Variants in ZNF611 observed in about 807,000 individuals in gnomAD.
The protein encoded by ZNF611 is zinc finger protein 611.
In ZNF611, 6 loss-of-function variants were observed where a neutral mutation model predicts 8.9. The observed-to-expected ratio is 0.68, with a 90% confidence interval of 0.37 to 1.34. The LOEUF (loss-of-function observed/expected upper bound fraction) is 1.34. ZNF611 is among the 40% of genes most tolerant of loss of function. The pLI is 0.02. For synonymous variants in ZNF611, 262 were observed against 279.7 expected, an observed-to-expected ratio of 0.94 and a Z score of 0.63; for missense variants, 874 against 841.3, an observed-to-expected ratio of 1.04 and a Z score of -0.48.
At chr19:52,717,099 C>T (rs1429658978) in intron 3 of ZNF611, among the ~76,000 whole-genome samples, 11 of 152,178 alleles carry the variant, frequency 7.2e-5, no homozygotes, top group Non-Finnish European at 1.5e-4. Context: ...AACTAAAAGC[C>T]CCTTCCCTGC....
Position 52,706,482 on chromosome 19 carries a change from T to G in ZNF611, c.573A>C (p.Ser191=). Residue 191 remains serine, a synonymous_variant, in exon 6 of 6, where the codon TCA becomes TCC. Transcript: ENST00000652185. ...GCCTACAGGAAATTCTTTGGAATGTTGAAACTGAGGGAGCATCATTAGTAG... is the reference window on the plus strand; with the variant it reads ...GCCTACAGGAAATTCTTTGGAATGTGGAAACTGAGGGAGCATCATTAGTAG... ...EKSTNDAPSV[S]TFQRISCRPQ... 6.2e-7 allele frequency: 1 copy of G among 1,614,180 alleles called. No individual in the cohort carries two copies.
In ZNF611 at chr19:52,704,926, G is replaced by C; in HGVS notation, c.*11C>G. 2 of 1,613,130 alleles carry C rather than the reference G, an allele frequency of 1.2e-6. No homozygotes were observed. Among genetic ancestry groups the C allele is most frequent in the South Asian group, 2.2e-5 (2 of 90,980 alleles). ...TTTCCAAATGGAAACTTTGTCACATGCTTCACATTTCTAAGGTTTCTCTCC... is the reference window on the plus strand; with the variant it reads ...TTTCCAAATGGAAACTTTGTCACATCCTTCACATTTCTAAGGTTTCTCTCC... On this transcript the variant is annotated 3_prime_UTR_variant, in exon 6 of 6. Transcript: ENST00000652185.
intron 3 of ZNF611, among the ~76,000 whole-genome samples, chr19:52,725,246 G>A (rs2062384073): frequency 6.6e-6 from 1 of 152,154 alleles, no homozygotes; most frequent in Non-Finnish European, 1.5e-5. Flanking sequence ...TTGGGGAGCA[G>A]CAGGGCCCGG....
At chr19:52,715,499 A>T (rs1343914147) in intron 4 of ZNF611, among the ~76,000 whole-genome samples, 1 of 152,226 alleles carries the variant, frequency 6.6e-6, no homozygotes. Context: ...TTTCATATGT[A>T]GTTTCTCTGA....
rs1470140364 is a variant in ZNF611 at position 52,702,941 on chromosome 19, C to G, written c.*1996G>C. On this transcript the variant is annotated 3_prime_UTR_variant, in exon 6 of 6. Transcript: ENST00000652185. Reference sequence around the variant, plus strand: ...TAACAAAGACTAGAAAGCATGCAGACATTGATATGAACTGGATGCAACTAA... The same window carrying G: ...TAACAAAGACTAGAAAGCATGCAGAGATTGATATGAACTGGATGCAACTAA... 1 of 152,136 alleles carries G rather than the reference C, an allele frequency of 6.6e-6. No individual in the cohort carries two copies. The highest frequency in any genetic ancestry group is 1.5e-5 in the Non-Finnish European group (1 of 68,026). 9.4% of individuals were successfully genotyped at this position (152,136 alleles called of 1,614,324 possible). A position where few individuals can be genotyped will look rare whatever the true frequency, so the allele number is the denominator to read the frequency against.
chr19:52,731,575 G>T (rs1280900601), intron 1 of ZNF611, among the ~76,000 whole-genome samples: 1 of 151,840 alleles, frequency 6.6e-6, no homozygotes, highest in Admixed American at 6.6e-5. Context: ...CACTCTGTTG[G>T]CCAGGCTGGT....
intron 4 of ZNF611, among the ~76,000 whole-genome samples, chr19:52,715,586 T>G (rs968036106): frequency 1.3e-5 from 2 of 152,166 alleles, no homozygotes; most frequent in Non-Finnish European, 2.9e-5. Context: ...CACCCCATGT[T>G]TATCCATGTC....
chr19:52,723,090 A>C (rs535030205), intron 3 of ZNF611, among the ~76,000 whole-genome samples: 1 of 145,886 alleles, frequency 6.9e-6, no homozygotes, highest in Non-Finnish European at 1.5e-5. Context: ...TTCTGTGCAT[A>C]TCTCTCATTC....
chr19:52,711,915 T>C (rs1295618921), intron 5 of ZNF611, among the ~76,000 whole-genome samples: 1 of 152,018 alleles, frequency 6.6e-6, no homozygotes, highest in Non-Finnish European at 1.5e-5. Context: ...GTAATGGGCA[T>C]GTAGGAGTGA....
intron 1 of ZNF611, among the ~76,000 whole-genome samples, chr19:52,733,925 C>T (rs1366950000): frequency 6.7e-6 from 1 of 149,294 alleles, no homozygotes; most frequent in Admixed American, 6.7e-5. Context: ...TTCCATCTTC[C>T]CCGATATACT....
At chr19:52,733,606 G>A (rs2147453512) in intron 1 of ZNF611, among the ~76,000 whole-genome samples, 1 of 152,110 alleles carries the variant, frequency 6.6e-6, no homozygotes, top group Non-Finnish European at 1.5e-5. Context: ...ACTGTGTCCA[G>A]ACCCTCTTTC....
At chr19:52,713,681 C>T (rs575287515) in intron 5 of ZNF611, among the ~76,000 whole-genome samples, 3 of 152,148 alleles carry the variant, frequency 2.0e-5, no homozygotes, top group South Asian at 2.1e-4. Context: ...CACCTGAGGT[C>T]GGGAGTTAGA....
At chr19:52,710,226 ATTTTT>A (rs574509484) in intron 5 of ZNF611, among the ~76,000 whole-genome samples, 1 of 132,554 alleles carries the variant, frequency 7.5e-6, no homozygotes, top group Non-Finnish European at 1.6e-5. Context: ...TGCCTGGCTA[ATTTTT>A]TTTTTTTTTT....
At chr19:52,710,082 C>CT (rs897281733) in intron 5 of ZNF611, among the ~76,000 whole-genome samples, 8 of 151,794 alleles carry the variant, frequency 5.3e-5, no homozygotes, top group African/African-American at 1.9e-4. Context: ...TCAGCTATTT[C>CT]TTTTTTTGTC....
At chr19:52,733,570 GAGACTAC>G (rs11279587) in intron 1 of ZNF611, among the ~76,000 whole-genome samples, 92,497 of 151,172 alleles carry the variant, frequency 0.61, 28,315 homozygotes, top group African/African-American at 0.64. Context: ...CTAAAGTGTG[GAGACTAC>G]AGACTACAGG....
chr19:52,717,568 T>C (rs890812198), intron 3 of ZNF611: 7 of 443,496 alleles, frequency 1.6e-5, no homozygotes, highest in Non-Finnish European at 2.1e-5. Flanking sequence ...CACACAGCAA[T>C]AGGTGTTTAA....
intron 4 of ZNF611, 30 bp downstream of exon 4, chr19:52,715,802 A>G: frequency 1.2e-6 from 2 of 1,606,676 alleles, no homozygotes; most frequent in South Asian, 2.2e-5. Flanking sequence ...CGAAAGACAC[A>G]GATTAATCCA....
intron 1 of ZNF611, among the ~76,000 whole-genome samples, chr19:52,730,555 AG>A (rs1327821339): frequency 6.6e-6 from 1 of 151,950 alleles, no homozygotes; most frequent in Non-Finnish European, 1.5e-5. Flanking sequence ...ACACATGAAT[AG>A]GTCTAGTGCT....
At chr19:52,728,023 C>T (rs1272491390) in intron 3 of ZNF611, among the ~76,000 whole-genome samples, 1 of 151,176 alleles carries the variant, frequency 6.6e-6, no homozygotes, top group African/African-American at 2.4e-5. Flanking sequence ...AATTCTGCCT[C>T]AGCCTCCTGA....
Sources: allele counts gnomAD v4.1 joint callset (sites outside exome capture counted in the v4.1 genomes callset), GRCh38; gene constraint gnomAD v4.1.1; transcripts MANE v1.5; gene names NCBI Gene and HGNC (gene_info 2026-07-23, HGNC 2026-07-21).